CNTNAP4: variants seen among roughly 807,000 people sequenced by gnomAD.
CNTNAP4 encodes contactin-associated protein-like 4.
A neutral mutation model predicts 148.4 loss-of-function variants in CNTNAP4; 98 were observed. That is an observed-to-expected ratio of 0.66 (90% CI 0.56 to 0.78). The LOEUF is 0.78. Ranked by LOEUF, CNTNAP4 falls within the 30% of genes least tolerant of loss-of-function variation. The pLI is 0.00. For synonymous variants in CNTNAP4, 730 were observed against 565.1 expected (o/e 1.29, Z -4.14); for missense variants, 1,935 against 1,565.6 (o/e 1.24, Z -3.98).
In CNTNAP4 at chr16:76,496,080, T is replaced by C. The variant is rs12922988; in HGVS notation, c.2237+1014T>C. 3.0e-3 allele frequency among the ~76,000 whole-genome samples: 405 copies of C among 135,114 alleles called. 1 individual carries two copies. The highest frequency in any genetic ancestry group is 4.4e-3 in the Non-Finnish European group (278 of 62,498). The allele number at this position is 135,114 out of a possible 152,430, so 88.6% of individuals were successfully genotyped here. On this transcript the variant is annotated intron_variant, in intron 14 of 23. Transcript: ENST00000611870. Reference sequence around the variant, plus strand: ...TTATGTTATATCATAAACATCAAGATTATGTTGTGTGTGTGTGTGTGTGTG... The same window carrying C: ...TTATGTTATATCATAAACATCAAGACTATGTTGTGTGTGTGTGTGTGTGTG...
At chr16:76,489,251 T>C (rs1049992547) in intron 12 of CNTNAP4, among the ~76,000 whole-genome samples, 2 of 152,154 alleles carry the variant, frequency 1.3e-5, no homozygotes, top group African/African-American at 4.8e-5. Context: ...TGTGATATCA[T>C]TGGATTTTGG....
chr16:76,362,936 A>G (rs971083546), intron 3 of CNTNAP4, among the ~76,000 whole-genome samples: 1 of 152,016 alleles, frequency 6.6e-6, no homozygotes, highest in Non-Finnish European at 1.5e-5. Context: ...AAGAATACAC[A>G]ATGGGGGCCA....
chr16:76,514,171 A>G (rs945733155), intron 15 of CNTNAP4, among the ~76,000 whole-genome samples: 1 of 152,192 alleles, frequency 6.6e-6, no homozygotes, highest in South Asian at 2.1e-4. Context: ...TCTGATGCCC[A>G]ACTCCACACC....
intron 1 of CNTNAP4, among the ~76,000 whole-genome samples, chr16:76,303,662 T>TA (rs1960203932): frequency 6.6e-6 from 1 of 152,202 alleles, no homozygotes; most frequent in Non-Finnish European, 1.5e-5. Flanking sequence ...TCTTTCTTAA[T>TA]AAATTGTGGC....
chr16:76,527,941 C>T (rs2083810520), intron 17 of CNTNAP4, among the ~76,000 whole-genome samples: 1 of 152,060 alleles, frequency 6.6e-6, no homozygotes, highest in Non-Finnish European at 1.5e-5. Flanking sequence ...GTTAGTGTTA[C>T]TCATTCTAAG....
intron 3 of CNTNAP4, among the ~76,000 whole-genome samples, chr16:76,395,233 A>T (rs560968646): frequency 1.1e-4 from 16 of 150,502 alleles, no homozygotes; most frequent in Admixed American, 8.0e-4. Context: ...GATATTATTA[A>T]TTTTTTTTAA....
chr16:76,433,100 A>G (rs913745380), intron 4 of CNTNAP4, among the ~76,000 whole-genome samples: 12 of 152,114 alleles, frequency 7.9e-5, no homozygotes, highest in Non-Finnish European at 1.6e-4. Context: ...TCTTCTCCCA[A>G]TCATGACATG....
chr16:76,409,989 G>C (rs910179762), intron 3 of CNTNAP4, among the ~76,000 whole-genome samples: 5 of 151,864 alleles, frequency 3.3e-5, no homozygotes, highest in Non-Finnish European at 7.4e-5. Flanking sequence ...GACTTTGGAA[G>C]TAAGTATTCT....
At chr16:76,292,005 C>G (rs1360386252) in intron 1 of CNTNAP4, among the ~76,000 whole-genome samples, 1 of 152,186 alleles carries the variant, frequency 6.6e-6, no homozygotes, top group African/African-American at 2.4e-5. Flanking sequence ...AGTGGATATA[C>G]TTTTATTTAA....
At chr16:76,462,909 C>T (rs925449213) in intron 9 of CNTNAP4, among the ~76,000 whole-genome samples, 1 of 152,120 alleles carries the variant, frequency 6.6e-6, no homozygotes, top group Non-Finnish European at 1.5e-5. Flanking sequence ...ATCATTTTTG[C>T]ATTTGATAGA....
intron 1 of CNTNAP4, chr16:76,309,950 T>C: frequency 1.4e-6 from 1 of 698,820 alleles, no homozygotes; most frequent in South Asian, 1.5e-5. Flanking sequence ...CTCGGGTATG[T>C]CTTTATCAGC....
chr16:76,436,057 T>A (rs969664723), intron 4 of CNTNAP4, among the ~76,000 whole-genome samples: 2 of 152,128 alleles, frequency 1.3e-5, no homozygotes, highest in African/African-American at 4.8e-5. Context: ...CCGCCAGGAC[T>A]TTAGTCTAGT....
chr16:76,371,205 A>G lies in CNTNAP4; in HGVS notation c.390+15694A>G, dbSNP rs575988935. Among the ~76,000 whole-genome samples the G allele has an allele frequency of 7.9e-5, 12 of 152,340 alleles. No individual in the cohort carries two copies. In the South Asian group the frequency reaches 2.3e-3, roughly 29 times the overall value. ...TCTTACAGATGATCAAACATCAAAC[A>G]TCTTACACATGAGCTCCAGAGTTCA... On this transcript the variant is annotated intron_variant, in intron 3 of 23. Coordinates refer to ENST00000611870, the MANE Select transcript of CNTNAP4 (RefSeq NM_033401.5).
intron 4 of CNTNAP4, among the ~76,000 whole-genome samples, chr16:76,428,820 C>G (rs2079513901): frequency 6.6e-6 from 1 of 152,066 alleles, no homozygotes; most frequent in African/African-American, 2.4e-5. Context: ...GCACCGTTTC[C>G]TTAGTGCTTA....
rs2013551486 is a variant in CNTNAP4 at position 76,362,439 on chromosome 16, C to T, written c.390+6928C>T. 1.3e-5 allele frequency among the ~76,000 whole-genome samples: 2 copies of T among 152,056 alleles called. 1 individual carries two copies. Among genetic ancestry groups the T allele is most frequent in the Admixed American group, 1.3e-4 (2 of 15,244 alleles). The stretch of plus-strand genomic sequence containing the variant: ...TATAAAACCAGAAATTTAGGTAGAA[C>T]CACAAACATGTTTTTTGAATATCCA... On this transcript the variant is annotated intron_variant, in intron 3 of 23. Coordinates refer to ENST00000611870, the MANE Select transcript of CNTNAP4 (RefSeq NM_033401.5).
intron 15 of CNTNAP4, among the ~76,000 whole-genome samples, chr16:76,511,563 A>G (rs1008277704): frequency 2.6e-5 from 4 of 152,192 alleles, no homozygotes; most frequent in Admixed American, 6.5e-5. Context: ...TCAACACATA[A>G]TAAAATAATG....
At chr16:76,382,060 C>CAAAAAAAA (rs67028367) in intron 3 of CNTNAP4, among the ~76,000 whole-genome samples, 5 of 53,312 alleles carry the variant, frequency 9.4e-5, no homozygotes, top group Admixed American at 6.0e-4. Context: ...GACTCCGTCT[C>CAAAAAAAA]AAAAAAAAAA....
At chr16:76,506,216 C>G (rs2082828901) in intron 15 of CNTNAP4, among the ~76,000 whole-genome samples, 1 of 96,216 alleles carries the variant, frequency 1.0e-5, no homozygotes, top group African/African-American at 2.6e-5. Flanking sequence ...GAGGAACCAT[C>G]CAAAGTCTTT....
intron 15 of CNTNAP4, among the ~76,000 whole-genome samples, chr16:76,518,188 C>T (rs1294305070): frequency 6.6e-6 from 1 of 151,980 alleles, no homozygotes; most frequent in African/African-American, 2.4e-5. Flanking sequence ...AATGCAGATG[C>T]ATAATCTGGG....
Sources: gnomAD v4.1 joint callset for allele counts (sites outside exome capture counted in the v4.1 genomes callset) on GRCh38, gnomAD v4.1.1 for gene constraint, MANE v1.5 for transcripts, NCBI Gene and HGNC (gene_info 2026-07-23, HGNC 2026-07-21) for gene names.